HDGFL3: variants seen among roughly 807,000 people sequenced by gnomAD.
HDGFL3 encodes hepatoma-derived growth factor-related protein 3.
HDGFL3 carries 6 observed loss-of-function variants against 27.6 expected under a neutral mutation model. The observed-to-expected ratio is 0.22, with a 90% CI of 0.12 to 0.43. The LOEUF (loss-of-function observed/expected upper bound fraction) is 0.43. Among genes scored for constraint, HDGFL3 ranks in the 20% least tolerant of loss-of-function variants. The probability of loss-of-function intolerance (pLI) is 1.00; values close to 1 mark genes in which losing one functional copy is unlikely to be tolerated. For synonymous variants in HDGFL3, 88 were observed against 88.9 expected (o/e 0.99, Z 0.05); for missense variants, 207 against 250.1 (o/e 0.83, Z 1.16).
chr15:83,144,800 AATGGACTGTTGATGAGTCTTGAAAAG>A, intron 5 of HDGFL3: 1 of 340,440 alleles, frequency 2.9e-6, no homozygotes, highest in Admixed American at 4.0e-5. Flanking sequence ...GTTGCACCTG[AATGGACTGTTGATGAGTCTTGAAAAG>A]ATGAGATAAT....
chr15:83,153,763 C>T (rs897462382), intron 4 of HDGFL3, among the ~76,000 whole-genome samples: 4 of 152,006 alleles, frequency 2.6e-5, no homozygotes, highest in African/African-American at 7.3e-5. Flanking sequence ...TATGATTTTC[C>T]AGTATCTGCT....
At chr15:83,205,482 T>C (rs1186539814) in intron 1 of HDGFL3, among the ~76,000 whole-genome samples, 4 of 152,224 alleles carry the variant, frequency 2.6e-5, no homozygotes, top group Non-Finnish European at 4.4e-5. Context: ...AGGAATTTTA[T>C]GTACAATTAG....
At chr15:83,112,902 T>G in exon 4 of HDGFL3, 1 of 1,607,622 alleles carries the variant, frequency 6.2e-7, no homozygotes, top group South Asian at 1.1e-5. Flanking sequence ...TGTTCTATGG[T>G]ACGTCTCCAC....
chr15:83,122,400 T>C (rs953903864), intron 3 of HDGFL3, among the ~76,000 whole-genome samples: 25 of 150,384 alleles, frequency 1.7e-4, no homozygotes, highest in Non-Finnish European at 1.5e-5. Flanking sequence ...TATAGGTAGA[T>C]AGATAGATAG....
intron 5 of HDGFL3, chr15:83,144,483 C>T: frequency 2.2e-6 from 1 of 456,106 alleles, no homozygotes; most frequent in South Asian, 1.5e-5. Context: ...TTTGCCAGCA[C>T]TCTCTCTTAC....
At position 83,167,362 on chromosome 15, in the gene HDGFL3, C is replaced by T. The variant is rs117331254; in HGVS notation, c.85-3287G>A. Among the ~76,000 whole-genome samples, 115 of 152,256 alleles carry T rather than the reference C, an allele frequency of 7.6e-4. 2 individuals are homozygous for T. The East Asian group carries it at 0.021, about 28-fold the overall frequency. Reference sequence around the variant, plus strand: ...CCCGAGGTCAGGAGATCGAAGCCAGCCTGGCCAAGATGGTGAAACCCTGTC... The same window carrying T: ...CCCGAGGTCAGGAGATCGAAGCCAGTCTGGCCAAGATGGTGAAACCCTGTC... On this transcript the variant is annotated intron_variant, in intron 1 of 5. Transcript: ENST00000299633.
At position 83,134,386 on chromosome 15, in the gene HDGFL3, A is replaced by C. The variant is rs1256666950; in HGVS notation, c.*4884T>G. 6.6e-6 allele frequency: 1 copy of C among 152,020 alleles called. No individual in the cohort carries two copies. The highest frequency in any genetic ancestry group is 2.4e-5 in the African/African-American group (1 of 41,380). 9.4% of individuals were successfully genotyped at this position (152,020 alleles called of 1,614,324 possible). ...CAGGCGTCTGCCACCACGCCCGGCT[A>C]ATTTTTTGTATTTTTTAGTAGAGAT... On this transcript the variant is annotated 3_prime_UTR_variant, in exon 6 of 6. Transcript: ENST00000299633.
At chr15:83,115,768 A>G (rs1485268544) in intron 3 of HDGFL3, 1 of 945,748 alleles carries the variant, frequency 1.1e-6, no homozygotes, top group Admixed American at 1.8e-5. Flanking sequence ...ACATTCCATT[A>G]TTATTAGCTG....
Position 83,141,910 on chromosome 15 carries a change from C to A in HDGFL3, c.607-2635G>T, listed in dbSNP as rs375843573. Among the ~76,000 whole-genome samples the A allele has an allele frequency of 1.4e-4, 22 of 152,268 alleles. No individual in the cohort carries two copies. In the East Asian group the frequency reaches 4.0e-3, roughly 28 times the overall value. On this transcript the variant is annotated intron_variant, in intron 5 of 5. Transcript: ENST00000299633. ...CTATTCAGAGCGCTAGACAAACAGG[C>A]ATATGAAGAAAAGCTCAGTATCGCT...
chr15:83,144,564 G>A (rs1013249337), intron 5 of HDGFL3: 58 of 455,940 alleles, frequency 1.3e-4, no homozygotes, highest in Middle Eastern at 6.5e-4. Flanking sequence ...AGATCCATGG[G>A]GCAAGGCATC....
exon 4 of HDGFL3, chr15:83,115,296 T>G: frequency 4.5e-6 from 1 of 223,986 alleles, no homozygotes; most frequent in South Asian, 6.7e-5. Flanking sequence ...TTTTGTATTT[T>G]TAGTAGAGAC....
chr15:83,198,366 G>A (rs1049158707), intron 1 of HDGFL3, among the ~76,000 whole-genome samples: 2 of 152,080 alleles, frequency 1.3e-5, no homozygotes, highest in African/African-American at 4.8e-5. Context: ...TTTCCCTTTG[G>A]CCTACTGACC....
chr15:83,150,241 T>A (rs914139022), intron 5 of HDGFL3, among the ~76,000 whole-genome samples: 2 of 152,054 alleles, frequency 1.3e-5, no homozygotes, highest in African/African-American at 4.8e-5. Context: ...CGACCTGACA[T>A]AAAGGTAGCA....
chr15:83,164,185 T>C, intron 1 of HDGFL3, 110 bp from the exon 2 acceptor site: 2 of 720,516 alleles, frequency 2.8e-6, no homozygotes, highest in Non-Finnish European at 4.5e-6. Flanking sequence ...AAAACTCAGA[T>C]AGTTTTTTAG....
At chr15:83,156,300 G>T (rs1191077176) in intron 4 of HDGFL3, among the ~76,000 whole-genome samples, 3 of 151,870 alleles carry the variant, frequency 2.0e-5, no homozygotes, top group Non-Finnish European at 2.9e-5. Context: ...CTAAAATAGG[G>T]GACCTATTTT....
intron 1 of HDGFL3, among the ~76,000 whole-genome samples, chr15:83,168,696 G>C (rs1461620134): frequency 1.3e-5 from 2 of 152,100 alleles, no homozygotes; most frequent in East Asian, 1.9e-4. Flanking sequence ...AATTCTACCA[G>C]AGGTACAAAG....
chr15:83,123,097 T>C (rs530031337), downstream of HDGFL3, among the ~76,000 whole-genome samples: 2 of 152,340 alleles, frequency 1.3e-5, no homozygotes, highest in Non-Finnish European at 2.9e-5. Flanking sequence ...GGCAAGGCCA[T>C]ACTTTGGGGA....
In HDGFL3 at chr15:83,130,302, G is replaced by A. The variant is rs1459154135; in HGVS notation, c.*8968C>T. ...GCAATAAGACAAACCCTAATCTGTTGGTGAAGCTAAGCTTGCAGGTGGGCA... is the reference window on the plus strand; with the variant it reads ...GCAATAAGACAAACCCTAATCTGTTAGTGAAGCTAAGCTTGCAGGTGGGCA... On this transcript the variant is annotated 3_prime_UTR_variant, in exon 6 of 6. Transcript: ENST00000299633. 2 of 152,374 alleles carry A rather than the reference G, an allele frequency of 1.3e-5. No individual in the cohort carries two copies. Among genetic ancestry groups the A allele is most frequent in the Non-Finnish European group, 2.9e-5 (2 of 68,162 alleles). 9.4% of individuals were successfully genotyped at this position (152,374 alleles called of 1,614,324 possible).
At chr15:83,124,229 A>G (rs1319754508), downstream of HDGFL3, among the ~76,000 whole-genome samples, 1 of 152,196 alleles carries the variant, frequency 6.6e-6, no homozygotes, top group African/African-American at 2.4e-5. Flanking sequence ...ATACAGGAAT[A>G]ATTTTATATA....
Sources: gnomAD v4.1 joint callset for allele counts (sites outside exome capture counted in the v4.1 genomes callset) on GRCh38, gnomAD v4.1.1 for gene constraint, MANE v1.5 for transcripts, NCBI Gene and HGNC (gene_info 2026-07-23, HGNC 2026-07-21) for gene names.